The following GNPNAT1 variants were observed in gnomAD, a reference collection of about 807,000 sequenced individuals.
GNPNAT1 encodes glucosamine 6-phosphate N-acetyltransferase.
Under a neutral mutation model 19.8 loss-of-function variants are expected in GNPNAT1, and 11 were observed. That is an observed-to-expected ratio of 0.56 (90% CI 0.35 to 0.92). The LOEUF is 0.92. Among genes scored for constraint, GNPNAT1 ranks in the 40% least tolerant of loss-of-function variants. GNPNAT1 has a pLI of 0.01. For missense variants in GNPNAT1, 157 were observed against 211.0 expected (o/e 0.74, Z 1.59); for synonymous variants, 71 against 72.3 (o/e 0.98, Z 0.09).
intron 1 of GNPNAT1, among the ~76,000 whole-genome samples, chr14:52,787,257 T>C (rs966072419): frequency 3.3e-5 from 5 of 152,140 alleles, no homozygotes; most frequent in Non-Finnish European, 5.9e-5. Context: ...AGTCACAGTA[T>C]GCTTTAGGGC....
chr14:52,781,966 G>A, intron 3 of GNPNAT1, 55 bp from the exon 4 acceptor site: 2 of 1,483,582 alleles, frequency 1.3e-6, no homozygotes, highest in Non-Finnish European at 1.8e-6. Flanking sequence ...TTTATGGGGA[G>A]CCAGAAAAAT....
In GNPNAT1 at chr14:52,776,655, A is replaced by T. The variant is rs538442711; in HGVS notation, c.*1656T>A. Reference sequence around the variant, plus strand: ...ACTGCAACCTTTGCCTCCCGGGTTCAAGCGATTCTCTCGCCTCAGCTTCCT... The same window carrying T: ...ACTGCAACCTTTGCCTCCCGGGTTCTAGCGATTCTCTCGCCTCAGCTTCCT... On this transcript the variant is annotated 3_prime_UTR_variant, in exon 6 of 6. Coordinates refer to ENST00000216410, the MANE Select transcript of GNPNAT1 (RefSeq NM_198066.4). 6.6e-6 allele frequency: 1 copy of T among 152,236 alleles called. No individual in the cohort carries two copies. The highest frequency in any genetic ancestry group is 1.5e-5 in the Non-Finnish European group (1 of 68,076). 9.4% of individuals were successfully genotyped at this position (152,236 alleles called of 1,614,324 possible). A position where few individuals can be genotyped will look rare whatever the true frequency, so the allele number is the denominator to read the frequency against.
rs1425646555 is a variant in GNPNAT1, at chr14:52,777,495, T to TA, written c.*815dup. The stretch of plus-strand genomic sequence containing the variant: ...GTGATACTCCATTTTTGAAAAAACT[T>TA]AGAGGCTTCAGATACCCATGAAAAG... On this transcript the variant is annotated 3_prime_UTR_variant, in exon 6 of 6. Transcript: ENST00000216410. 6.6e-6 allele frequency: 1 copy of TA among 152,066 alleles called. No individual in the cohort carries two copies. The highest frequency in any genetic ancestry group is 2.4e-5 in the African/African-American group (1 of 41,390). The allele number at this position is 152,066 out of a possible 1,614,324, so 9.4% of individuals were successfully genotyped here. A position where few individuals can be genotyped will look rare whatever the true frequency, so the allele number is the denominator to read the frequency against.
intron 1 of GNPNAT1, among the ~76,000 whole-genome samples, chr14:52,788,229 T>G (rs973009178): frequency 6.6e-6 from 1 of 152,028 alleles, no homozygotes; most frequent in African/African-American, 2.4e-5. Flanking sequence ...CAAGTGATCC[T>G]CCTACCTCAG....
chr14:52,786,059 C>CT (rs139721043), intron 1 of GNPNAT1, among the ~76,000 whole-genome samples: 51,045 of 133,362 alleles, frequency 0.38, 9,759 homozygotes, highest in East Asian at 0.45. Flanking sequence ...CCACATGTAG[C>CT]TTTTTTTTTT....
intron 1 of GNPNAT1, among the ~76,000 whole-genome samples, chr14:52,788,467 C>T (rs1185376700): frequency 1.3e-5 from 2 of 152,124 alleles, no homozygotes; most frequent in Non-Finnish European, 2.9e-5. Context: ...ATTGAGTCCA[C>T]GTGTTTTAGT....
At chr14:52,780,958 A>C (rs571836125) in intron 4 of GNPNAT1, among the ~76,000 whole-genome samples, 1 of 152,142 alleles carries the variant, frequency 6.6e-6, no homozygotes, top group Admixed American at 6.5e-5. Context: ...ATAGCTGAAC[A>C]TTTCCTTTGT....
chr14:52,779,908 C>T (rs944758232), intron 5 of GNPNAT1, among the ~76,000 whole-genome samples: 1 of 151,778 alleles, frequency 6.6e-6, no homozygotes, highest in African/African-American at 2.4e-5. Context: ...GTTCTTGGGC[C>T]AGGCACAGTG....
intron 5 of GNPNAT1, among the ~76,000 whole-genome samples, chr14:52,780,374 A>G (rs570834263): frequency 1.4e-4 from 21 of 152,286 alleles, no homozygotes; most frequent in Non-Finnish European, 2.8e-4. Flanking sequence ...TTTAAATATG[A>G]CAGAGAAGCT....
intron 3 of GNPNAT1, among the ~76,000 whole-genome samples, chr14:52,782,868 A>T (rs1322311769): frequency 6.6e-6 from 1 of 152,040 alleles, no homozygotes; most frequent in Non-Finnish European, 1.5e-5. Flanking sequence ...TATAACAGGA[A>T]AAAGCAGTGG....
chr14:52,785,289 C>T (rs963659227), intron 1 of GNPNAT1, among the ~76,000 whole-genome samples: 2 of 152,054 alleles, frequency 1.3e-5, no homozygotes, highest in Admixed American at 6.6e-5. Context: ...GAATAGCTGA[C>T]TTTTCATGGG....
chr14:52,783,305 T>G, intron 3 of GNPNAT1, 118 bp downstream of exon 3: 1 of 646,626 alleles, frequency 1.5e-6, no homozygotes, highest in East Asian at 2.7e-5. Context: ...ACAGCTAATT[T>G]GTTCTTTGAA....
intron 1 of GNPNAT1, among the ~76,000 whole-genome samples, chr14:52,790,101 T>TTC (rs1210022152): frequency 1.3e-5 from 2 of 152,134 alleles, no homozygotes; most frequent in Non-Finnish European, 2.9e-5. Context: ...CTCAATTGAA[T>TTC]ATTTTTTAAA....
chr14:52,780,804 G>A, intron 4 of GNPNAT1, 64 bp from the exon 5 acceptor site: 2 of 983,366 alleles, frequency 2.0e-6, no homozygotes, highest in Non-Finnish European at 3.2e-6. Context: ...AAAACGAGTT[G>A]GTAAGAATTT....
rs149283255 is a variant in GNPNAT1, at chr14:52,791,308, A to AC, written c.-15+119dup. ...TTAACGCCCAGCTCCTCCACACAAC[A>AC]CCCCCGGGGGCCTGGCCGGGGCACC... On this transcript the variant is annotated intron_variant, in intron 1 of 5. Coordinates refer to ENST00000216410, the MANE Select transcript of GNPNAT1 (RefSeq NM_198066.4). This position sits in a 1 kb window ranked among gnomAD's most constrained non-coding sequence, Gnocchi z 4.1. 15,912 of 151,296 alleles carry AC rather than the reference A, an allele frequency of 0.11. 873 individuals are homozygous for AC. Among genetic ancestry groups the AC allele is most frequent in the East Asian group, 0.15 (760 of 5,088 alleles). 9.4% of individuals were successfully genotyped at this position (151,296 alleles called of 1,614,324 possible).
At chr14:52,788,531 TA>T (rs1407338697) in intron 1 of GNPNAT1, among the ~76,000 whole-genome samples, 3 of 152,178 alleles carry the variant, frequency 2.0e-5, no homozygotes, top group African/African-American at 7.2e-5. Context: ...ATCTGAATGG[TA>T]GGTAGCAACA....
At chr14:52,789,836 TA>T (rs1883115023) in intron 1 of GNPNAT1, among the ~76,000 whole-genome samples, 2 of 152,134 alleles carry the variant, frequency 1.3e-5, no homozygotes, top group African/African-American at 2.4e-5. Context: ...TAATCCTCCT[TA>T]AGTATTCCTC....
intron 1 of GNPNAT1, among the ~76,000 whole-genome samples, chr14:52,785,981 C>A (rs947223346): frequency 2.0e-5 from 3 of 149,624 alleles, no homozygotes; most frequent in African/African-American, 7.3e-5. Context: ...AAATTCCTGA[C>A]CTCGGGTGAT....
In GNPNAT1 at chr14:52,779,585, C is replaced by T. The variant is rs188446328; in HGVS notation, c.407+1094G>A. ...TCTATAAAAAATTAGCTGGGTGCAG[C>T]GGCATGCACCTGTAGTCCCAGCTAC... On this transcript the variant is annotated intron_variant, in intron 5 of 5. Coordinates refer to ENST00000216410, the MANE Select transcript of GNPNAT1 (RefSeq NM_198066.4). Among the ~76,000 whole-genome samples, 886 of 151,526 alleles carry T rather than the reference C, an allele frequency of 5.8e-3. 3 individuals are homozygous for T. The highest frequency in any genetic ancestry group is 9.6e-3 in the Non-Finnish European group (650 of 67,816).
Sources: gnomAD v4.1 joint callset for allele counts (sites outside exome capture counted in the v4.1 genomes callset) on GRCh38, gnomAD v4.1.1 for gene constraint, Gnocchi (gnomAD v3.1) non-coding constraint, MANE v1.5 for transcripts, NCBI Gene and HGNC (gene_info 2026-07-23, HGNC 2026-07-21) for gene names.